SRBD1: variants seen among roughly 807,000 people sequenced by gnomAD.
SRBD1 encodes S1 RNA-binding domain-containing protein 1.
A neutral mutation model predicts 115.3 loss-of-function variants in SRBD1; 88 were observed. The observed-to-expected ratio is 0.76, with a 90% CI of 0.64 to 0.91. SRBD1 has a LOEUF of 0.91. Ranked by LOEUF, SRBD1 falls within the 40% of genes least tolerant of loss-of-function variation. The pLI, the probability that SRBD1 is intolerant of heterozygous loss-of-function variation, is 0.00. For synonymous variants in SRBD1, 509 were observed against 407.7 expected (o/e 1.25, Z -2.99); for missense variants, 1,385 against 1,177.4 (o/e 1.18, Z -2.58).
At chr2:45,419,163 C>G (rs973790342) in intron 17 of SRBD1, among the ~76,000 whole-genome samples, 3 of 152,114 alleles carry the variant, frequency 2.0e-5, no homozygotes, top group Non-Finnish European at 4.4e-5. Flanking sequence ...AGAAAATCAA[C>G]AACTTAAAAT....
At chr2:45,485,578 T>C (rs1283601911) in intron 15 of SRBD1, among the ~76,000 whole-genome samples, 2 of 152,166 alleles carry the variant, frequency 1.3e-5, no homozygotes, top group Non-Finnish European at 2.9e-5. Context: ...CCATGCATTG[T>C]GGGGGAATAT....
At chr2:45,521,939 G>C (rs1171507852) in intron 14 of SRBD1, among the ~76,000 whole-genome samples, 1 of 151,386 alleles carries the variant, frequency 6.6e-6, no homozygotes, top group Non-Finnish European at 1.5e-5. Context: ...CTGCACTCTA[G>C]CCTGGATGAC....
chr2:45,397,909 T>C (rs571514152), intron 19 of SRBD1, among the ~76,000 whole-genome samples: 1 of 152,318 alleles, frequency 6.6e-6, no homozygotes, highest in Non-Finnish European at 1.5e-5. Flanking sequence ...TTTTCAAATG[T>C]CTTACCTCCT....
intron 15 of SRBD1, 40 bp from the exon 16 acceptor site, chr2:45,477,115 G>A: frequency 1.3e-6 from 2 of 1,521,184 alleles, no homozygotes; most frequent in Non-Finnish European, 1.8e-6. Flanking sequence ...GACTTAATGT[G>A]AAAAGCAGTA....
intron 9 of SRBD1, among the ~76,000 whole-genome samples, chr2:45,564,330 C>T (rs943916350): frequency 1.3e-5 from 2 of 152,132 alleles, no homozygotes; most frequent in Non-Finnish European, 2.9e-5. Flanking sequence ...AGAAATCTCA[C>T]AGCTAACATC....
At chr2:45,520,590 C>T (rs913793975) in intron 14 of SRBD1, among the ~76,000 whole-genome samples, 1 of 152,180 alleles carries the variant, frequency 6.6e-6, no homozygotes, top group Non-Finnish European at 1.5e-5. Flanking sequence ...GCCCACCATG[C>T]CTTCCTATCC....
intron 14 of SRBD1, among the ~76,000 whole-genome samples, chr2:45,538,551 G>A (rs1389208585): frequency 1.1e-4 from 17 of 152,204 alleles, no homozygotes; most frequent in Admixed American, 1.1e-3. Flanking sequence ...CACTACAGAA[G>A]ATATTTCAAC....
intron 4 of SRBD1, among the ~76,000 whole-genome samples, chr2:45,588,416 TG>T (rs1392879789): frequency 6.6e-6 from 1 of 152,192 alleles, no homozygotes; most frequent in Non-Finnish European, 1.5e-5. Context: ...TCCTGTTGCT[TG>T]TTATCTTCCC....
At chr2:45,554,722 A>G (rs1672417844) in intron 10 of SRBD1, among the ~76,000 whole-genome samples, 1 of 152,202 alleles carries the variant, frequency 6.6e-6, no homozygotes, top group Admixed American at 6.5e-5. Flanking sequence ...GCTAGAAATG[A>G]AAATAAACCA....
chr2:45,601,827 C>T, intron 3 of SRBD1, 76 bp downstream of exon 3: 1 of 1,559,334 alleles, frequency 6.4e-7, no homozygotes, highest in Admixed American at 1.9e-5. Flanking sequence ...CCTTGTCCTA[C>T]TCTGTAGAAT....
chr2:45,574,486 G>T, intron 8 of SRBD1, 141 bp downstream of exon 8: 1 of 679,556 alleles, frequency 1.5e-6, no homozygotes, highest in Non-Finnish European at 2.4e-6. Context: ...TTTGGGCTCT[G>T]TTGTTTGAAC....
At chr2:45,504,702 TA>T (rs1670744704) in intron 14 of SRBD1, among the ~76,000 whole-genome samples, 1 of 152,166 alleles carries the variant, frequency 6.6e-6, no homozygotes, top group African/African-American at 2.4e-5. Flanking sequence ...TGTCCTTTAT[TA>T]CTAATCAGTC....
chr2:45,410,812 T>C (rs550690055), intron 19 of SRBD1, among the ~76,000 whole-genome samples: 1 of 152,352 alleles, frequency 6.6e-6, no homozygotes, highest in African/African-American at 2.4e-5. Flanking sequence ...TGGGTTCCAA[T>C]GAGCTTCTAG....
intron 16 of SRBD1, among the ~76,000 whole-genome samples, chr2:45,429,605 T>TA (rs559265765): frequency 3.9e-5 from 6 of 152,322 alleles, no homozygotes; most frequent in Admixed American, 3.3e-4. Flanking sequence ...CCCTTCATGC[T>TA]AAAAACTCTT....
At chr2:45,541,031 G>T (rs1354352461) in intron 14 of SRBD1, among the ~76,000 whole-genome samples, 1 of 152,214 alleles carries the variant, frequency 6.6e-6, no homozygotes, top group Non-Finnish European at 1.5e-5. Context: ...CAAGCTGGCA[G>T]GCTGTGCTTG....
intron 4 of SRBD1, among the ~76,000 whole-genome samples, chr2:45,596,934 A>ACACACACC (rs1467355515): frequency 2.1e-5 from 3 of 144,348 alleles, no homozygotes; most frequent in African/African-American, 5.4e-5. Flanking sequence ...ACCCTAACAC[A>ACACACACC]CACACACACA....
chr2:45,413,392 G>A (rs1242008250), intron 18 of SRBD1, 99 bp from the exon 19 acceptor site: 18 of 1,345,154 alleles, frequency 1.3e-5, no homozygotes, highest in Non-Finnish European at 1.7e-5. Flanking sequence ...ATACAAATAT[G>A]CGAAAACAGC....
chr2:45,606,442 G>A (rs1270477292), intron 1 of SRBD1, among the ~76,000 whole-genome samples: 2 of 152,168 alleles, frequency 1.3e-5, no homozygotes, highest in Non-Finnish European at 2.9e-5. Context: ...TTACAGGCAT[G>A]AGTCACTGTG....
Position 45,579,982 on chromosome 2 carries a change from G to A in SRBD1, c.965C>T (p.Thr322Ile), listed in dbSNP as rs764163314. The change falls in exon 7 of 21, where the codon ACT becomes ATT. Residue 322 changes from threonine to isoleucine, a missense_variant. Transcript: ENST00000263736. ...SAPYKTGSKG[T>I]KAQRARQLGL... ...CAACTGTCTTGCTCTCTGGGCTTTAGTCCCTTTGCTTCCAGTTTTATATGG... is the reference window on the plus strand; with the variant it reads ...CAACTGTCTTGCTCTCTGGGCTTTAATCCCTTTGCTTCCAGTTTTATATGG... 1 of 1,592,610 alleles carries A rather than the reference G, an allele frequency of 6.3e-7. No homozygotes were observed.
Sources: allele counts gnomAD v4.1 joint callset (sites outside exome capture counted in the v4.1 genomes callset), GRCh38; gene constraint gnomAD v4.1.1; transcripts MANE v1.5; gene names NCBI Gene and HGNC (gene_info 2026-07-23, HGNC 2026-07-21).